The following SGCZ variants were observed in gnomAD, a reference collection of about 807,000 sequenced individuals.
SGCZ encodes sarcoglycan zeta.
SGCZ carries 40 observed loss-of-function variants against 41.3 expected under a neutral mutation model. The ratio of observed to expected loss-of-function variants is 0.97; its 90% CI spans 0.75 to 1.26. SGCZ has a LOEUF of 1.26. Ranked by LOEUF, SGCZ falls within the 50% of genes most tolerant of loss-of-function variation. The pLI is 0.00. For missense variants in SGCZ, 552 were observed against 369.8 expected (o/e 1.49, Z -4.04); for synonymous variants, 206 against 137.5 (o/e 1.50, Z -3.49).
chr8:14,667,185 A>T (rs1374206909), intron 1 of SGCZ, among the ~76,000 whole-genome samples: 2 of 152,180 alleles, frequency 1.3e-5, no homozygotes, highest in Non-Finnish European at 1.5e-5. Flanking sequence ...GGAAGGGCTG[A>T]GAGTAATGTA....
chr8:14,742,900 A>G (rs1199275997), intron 1 of SGCZ, among the ~76,000 whole-genome samples: 5 of 152,132 alleles, frequency 3.3e-5, no homozygotes, highest in African/African-American at 1.2e-4. Context: ...TTCAAAAGTT[A>G]CTTTCCAAGA....
At chr8:14,483,336 TAG>T (rs1801585706) in intron 2 of SGCZ, among the ~76,000 whole-genome samples, 2 of 152,172 alleles carry the variant, frequency 1.3e-5, no homozygotes, top group Admixed American at 1.3e-4. Flanking sequence ...TTGGGAGGCA[TAG>T]GCAGGAGGAT....
intron 1 of SGCZ, among the ~76,000 whole-genome samples, chr8:14,792,465 C>T (rs1421574378): frequency 1.3e-5 from 2 of 152,156 alleles, no homozygotes; most frequent in African/African-American, 2.4e-5. Context: ...ATCCTCTCCA[C>T]TATGCTAGTC....
chr8:15,230,524 A>G (rs1801909285), intron 1 of SGCZ, among the ~76,000 whole-genome samples: 1 of 152,236 alleles, frequency 6.6e-6, no homozygotes, highest in Non-Finnish European at 1.5e-5. Flanking sequence ...TTGATGTTCA[A>G]ATGAAGAATT....
At chr8:14,340,081 C>A (rs1029449307) in intron 2 of SGCZ, among the ~76,000 whole-genome samples, 3 of 152,110 alleles carry the variant, frequency 2.0e-5, no homozygotes, top group African/African-American at 4.8e-5. Flanking sequence ...AAAGCAAAAT[C>A]TGCTGAAGAT....
chr8:14,780,464 A>G (rs895804986), intron 1 of SGCZ, among the ~76,000 whole-genome samples: 1 of 152,088 alleles, frequency 6.6e-6, no homozygotes, highest in African/African-American at 2.4e-5. Context: ...AAAGAATTTC[A>G]TATAGCCTAT....
At chr8:14,634,700 A>T (rs994238212) in intron 1 of SGCZ, among the ~76,000 whole-genome samples, 1 of 151,802 alleles carries the variant, frequency 6.6e-6, no homozygotes, top group African/African-American at 2.4e-5. Flanking sequence ...AGAATGAAGG[A>T]CTCTCAGACA....
intron 6 of SGCZ, among the ~76,000 whole-genome samples, chr8:14,105,824 G>C (rs1049892403): frequency 6.6e-6 from 1 of 151,672 alleles, no homozygotes; most frequent in Admixed American, 6.6e-5. Context: ...ATACCAGTTG[G>C]TTCTTATTCC....
At chr8:14,819,137 A>G (rs1313894075) in intron 1 of SGCZ, among the ~76,000 whole-genome samples, 3 of 151,958 alleles carry the variant, frequency 2.0e-5, no homozygotes, top group Non-Finnish European at 4.4e-5. Flanking sequence ...ATTCTAAAAA[A>G]AAAAAAGTAA....
chr8:14,789,591 T>C (rs1800883338), intron 1 of SGCZ, among the ~76,000 whole-genome samples: 1 of 152,174 alleles, frequency 6.6e-6, no homozygotes, highest in Non-Finnish European at 1.5e-5. Flanking sequence ...TTCTTTCTCC[T>C]TTCTTGTGGA....
intron 3 of SGCZ, among the ~76,000 whole-genome samples, chr8:14,274,632 TG>T (rs1347610290): frequency 2.0e-5 from 3 of 152,180 alleles, no homozygotes; most frequent in African/African-American, 7.2e-5. Flanking sequence ...TACGAGCTTA[TG>T]GTAAGTGACG....
chr8:14,970,642 C>A (rs1451241965), intron 1 of SGCZ, among the ~76,000 whole-genome samples: 1 of 152,090 alleles, frequency 6.6e-6, no homozygotes, highest in East Asian at 1.9e-4. Context: ...TTGACCATTT[C>A]TTCTGTTCCA....
chr8:15,009,726 TCA>T (rs1244060816), intron 1 of SGCZ, among the ~76,000 whole-genome samples: 1 of 152,196 alleles, frequency 6.6e-6, no homozygotes. Context: ...TCTGTGTCCC[TCA>T]CACTCTTCAT....
At chr8:14,514,826 C>CAA (rs1491539395) in intron 2 of SGCZ, among the ~76,000 whole-genome samples, 1 of 87,256 alleles carries the variant, frequency 1.1e-5, no homozygotes, top group East Asian at 2.9e-4. Context: ...TATATACACG[C>CAA]ACACACACAC....
At chr8:14,395,563 G>T (rs1479251046) in intron 2 of SGCZ, among the ~76,000 whole-genome samples, 2 of 152,126 alleles carry the variant, frequency 1.3e-5, no homozygotes, top group Admixed American at 6.6e-5. Context: ...AAACAAGAAA[G>T]AAAGATAGAA....
intron 5 of SGCZ, among the ~76,000 whole-genome samples, chr8:14,130,820 G>A (rs1001486158): frequency 5.9e-5 from 9 of 152,194 alleles, no homozygotes; most frequent in Non-Finnish European, 1.5e-5. Context: ...AGAGGCTCTA[G>A]CTTCCCTTTT....
intron 1 of SGCZ, among the ~76,000 whole-genome samples, chr8:14,941,563 T>A (rs1800275582): frequency 1.3e-5 from 2 of 152,078 alleles, no homozygotes; most frequent in African/African-American, 4.8e-5. Context: ...ATATAAAGAT[T>A]TACATACATA....
chr8:14,416,787 T>C (rs1391663204), intron 2 of SGCZ, among the ~76,000 whole-genome samples: 1 of 151,896 alleles, frequency 6.6e-6, no homozygotes, highest in African/African-American at 2.4e-5. Context: ...TGGGACTCAA[T>C]TTATTTTCCT....
At chr8:14,145,860 A>C (rs1256650592) in intron 5 of SGCZ, among the ~76,000 whole-genome samples, 1 of 152,170 alleles carries the variant, frequency 6.6e-6, no homozygotes, top group African/African-American at 2.4e-5. Context: ...CTGGAGGAAG[A>C]ATTAGCTCTA....
Sources: gnomAD v4.1 joint callset for allele counts (sites outside exome capture counted in the v4.1 genomes callset) on GRCh38, gnomAD v4.1.1 for gene constraint, MANE v1.5 for transcripts, NCBI Gene and HGNC (gene_info 2026-07-23, HGNC 2026-07-21) for gene names.